The following ZC3H18 variants were observed in gnomAD, a reference collection of about 807,000 sequenced individuals.
ZC3H18 encodes the protein zinc finger CCCH domain-containing protein 18.
A neutral mutation model predicts 106.1 loss-of-function variants in ZC3H18; 8 were observed. That is an observed-to-expected ratio of 0.08 (90% CI 0.04 to 0.14). The LOEUF (loss-of-function observed/expected upper bound fraction) is 0.14. Ranked by LOEUF, ZC3H18 falls within the 10% of genes least tolerant of loss-of-function variation. The pLI, the probability that ZC3H18 is intolerant of heterozygous loss-of-function variation, is 1.00. For missense variants in ZC3H18, 1,318 were observed against 1,278.4 expected (o/e 1.03, Z -0.47); for synonymous variants, 635 against 522.1 (o/e 1.22, Z -2.95).
chr16:88,623,415 A>C, intron 10 of ZC3H18, 71 bp downstream of exon 10: 1 of 1,577,028 alleles, frequency 6.3e-7, no homozygotes, highest in Non-Finnish European at 8.6e-7. Flanking sequence ...ATGTGGCTTT[A>C]GTTGTGGCGC....
chr16:88,611,306 C>G lies in ZC3H18; in HGVS notation c.1245C>G (p.Arg415=), dbSNP rs776556506. 1.3e-6 allele frequency: 1 copy of G among 751,824 alleles called. No homozygotes were observed. Among genetic ancestry groups the G allele is most frequent in the Admixed American group, 1.9e-5 (1 of 53,614 alleles). 46.6% of individuals were successfully genotyped at this position (751,824 alleles called of 1,614,324 possible). ...ERERERENRQ[R]ERERERERDR... ...AGCGAGAGAGAGAGAACAGACAGCG[C>G]GAGCGCGAGCGGGAGCGGGAGCGGG... The change falls in exon 8 of 18, where the codon CGC becomes CGG. Residue 415 remains arginine, a synonymous_variant. Transcript: ENST00000301011.
Position 88,577,398 on chromosome 16 carries a change from C to T in ZC3H18, c.275C>T (p.Pro92Leu), listed in dbSNP as rs114866066. Reference sequence around the variant, plus strand: ...GAGGTGAATGAGCTGAGCCGGGGCCCGACCAGCTCCCCCTGCGAGGAGGAG... The same window carrying T: ...GAGGTGAATGAGCTGAGCCGGGGCCTGACCAGCTCCCCCTGCGAGGAGGAG... ...DSEVNELSRG[P>L]TSSPCEEEGD... The change falls in exon 2 of 18, where the codon CCG (proline) becomes CTG (leucine). Residue 92 changes from proline to leucine, a missense_variant. Pro to Leu is a moderately conservative substitution (Grantham distance 98, BLOSUM62 -3). This residue lies in a region of ZC3H18 where 346 missense variants were observed against 269.0 expected (regional missense o/e 1.29). Transcript: ENST00000301011. 41 of 1,598,210 alleles carry T rather than the reference C, an allele frequency of 2.6e-5. No homozygotes were observed. The highest frequency in any genetic ancestry group is 3.4e-5 in the South Asian group (3 of 89,256).
chr16:88,601,137 G>A (rs963449965), intron 6 of ZC3H18, among the ~76,000 whole-genome samples: 11 of 152,244 alleles, frequency 7.2e-5, no homozygotes, highest in Admixed American at 7.2e-4. Flanking sequence ...AGCCCCAGTG[G>A]CCCACACCTG....
chr16:88,582,219 C>CTTTTTTT (rs71391393), intron 2 of ZC3H18, among the ~76,000 whole-genome samples: 999 of 77,166 alleles, frequency 0.013, 21 homozygotes, highest in East Asian at 0.015. Context: ...TTTTTCTTTT[C>CTTTTTTT]TTTTTTTTTT....
intron 3 of ZC3H18, among the ~76,000 whole-genome samples, chr16:88,590,795 G>A (rs1267344991): frequency 6.6e-6 from 1 of 151,522 alleles, no homozygotes; most frequent in Admixed American, 6.6e-5. Context: ...CCTGACCTCA[G>A]GTGATCCGCT....
intron 5 of ZC3H18, among the ~76,000 whole-genome samples, chr16:88,598,973 C>T (rs1398005704): frequency 6.6e-6 from 1 of 152,208 alleles, no homozygotes; most frequent in Non-Finnish European, 1.5e-5. Context: ...GATTCTCCTG[C>T]TCGGCCTCCC....
intron 1 of ZC3H18, among the ~76,000 whole-genome samples, chr16:88,574,991 G>A (rs965157730): frequency 2.6e-5 from 4 of 151,064 alleles, no homozygotes; most frequent in African/African-American, 9.7e-5. Flanking sequence ...CACCACACCC[G>A]ACTAATTTTT....
chr16:88,624,477 C>A, intron 11 of ZC3H18, 125 bp from the exon 12 acceptor site: 1 of 1,454,122 alleles, frequency 6.9e-7, no homozygotes. Flanking sequence ...CAGGCACGAG[C>A]GTGCTCACCG....
intron 8 of ZC3H18, among the ~76,000 whole-genome samples, chr16:88,617,712 C>T (rs1055784341): frequency 6.6e-6 from 1 of 152,244 alleles, no homozygotes; most frequent in Middle Eastern, 3.2e-3. Context: ...AGACTGGAAG[C>T]ACTCGCCCCC....
intron 2 of ZC3H18, among the ~76,000 whole-genome samples, chr16:88,577,967 C>T (rs908231394): frequency 3.9e-5 from 6 of 152,284 alleles, no homozygotes; most frequent in South Asian, 4.1e-4. Context: ...GGCCCTCGGC[C>T]GGCCAGCTGG....
chr16:88,576,382 A>G (rs1026161932), intron 1 of ZC3H18, among the ~76,000 whole-genome samples: 1 of 152,112 alleles, frequency 6.6e-6, no homozygotes, highest in African/African-American at 2.4e-5. Flanking sequence ...AAGTGTGTCA[A>G]GTTTCCTGCC....
At chr16:88,573,229 G>C (rs552550508) in intron 1 of ZC3H18, among the ~76,000 whole-genome samples, 1 of 152,192 alleles carries the variant, frequency 6.6e-6, no homozygotes, top group South Asian at 2.1e-4. Context: ...TGGGCACCAG[G>C]CGCTCCGCTT....
At chr16:88,615,885 C>T (rs537345826) in intron 8 of ZC3H18, among the ~76,000 whole-genome samples, 15 of 152,332 alleles carry the variant, frequency 9.8e-5, no homozygotes, top group African/African-American at 2.4e-4. Context: ...TTTCTGTGTA[C>T]AAGAATGTAC....
intron 3 of ZC3H18, among the ~76,000 whole-genome samples, chr16:88,593,544 C>A (rs1904308056): frequency 6.6e-6 from 1 of 152,230 alleles, no homozygotes; most frequent in Non-Finnish European, 1.5e-5. Flanking sequence ...AGCAGAGCTT[C>A]TGTGTGTGTC....
chr16:88,624,553 G>C, intron 11 of ZC3H18, 49 bp from the exon 12 acceptor site: 1 of 1,612,038 alleles, frequency 6.2e-7, no homozygotes, highest in South Asian at 1.1e-5. Context: ...GTAGGCCAGC[G>C]GGGCCCCGTC....
intron 12 of ZC3H18, 27 bp from the exon 13 acceptor site, chr16:88,625,175 T>C (rs1650820619): frequency 6.4e-7 from 1 of 1,561,638 alleles, no homozygotes. Flanking sequence ...CCACGCCCCC[T>C]GAGCCCCGCT....
chr16:88,584,774 T>G (rs375368436), intron 2 of ZC3H18, among the ~76,000 whole-genome samples: 4 of 152,200 alleles, frequency 2.6e-5, no homozygotes, highest in African/African-American at 7.2e-5. Context: ...ATTGTTCTCC[T>G]TTTTTGCTTC....
chr16:88,607,479 G>C (rs966044789), intron 6 of ZC3H18, among the ~76,000 whole-genome samples: 4 of 152,206 alleles, frequency 2.6e-5, no homozygotes, highest in African/African-American at 9.6e-5. Context: ...CTGACTTGTG[G>C]GCGATTCCGA....
chr16:88,604,945 C>G (rs955403744), intron 6 of ZC3H18, among the ~76,000 whole-genome samples: 2 of 152,182 alleles, frequency 1.3e-5, no homozygotes, highest in African/African-American at 4.8e-5. Flanking sequence ...GCCCCCAGCA[C>G]AGAGAGTAGT....
Sources: allele counts gnomAD v4.1 joint callset (sites outside exome capture counted in the v4.1 genomes callset), GRCh38; gene constraint gnomAD v4.1.1; regional missense constraint gnomAD v4.1.1; transcripts MANE v1.5; gene names NCBI Gene and HGNC (gene_info 2026-07-23, HGNC 2026-07-21).